ADCY3: variants seen among roughly 807,000 people sequenced by gnomAD.
ADCY3 encodes the protein adenylate cyclase type 3.
ADCY3 carries 70 observed loss-of-function variants against 119.4 expected under a neutral mutation model. That is an observed-to-expected ratio of 0.59 (90% CI 0.48 to 0.72). The LOEUF is 0.72. Ranked by LOEUF, ADCY3 falls within the 30% of genes least tolerant of loss-of-function variation. ADCY3 has a pLI of 0.00. For missense variants in ADCY3, 1,238 were observed against 1,541.6 expected, an observed-to-expected ratio of 0.80 and a Z score of 3.30; for synonymous variants, 672 against 621.4, an observed-to-expected ratio of 1.08 and a Z score of -1.21.
intron 3 of ADCY3, among the ~76,000 whole-genome samples, chr2:24,863,146 G>A (rs761324859): frequency 3.9e-5 from 6 of 152,218 alleles, no homozygotes; most frequent in Admixed American, 6.5e-5. Context: ...TGATTGGATT[G>A]AAGGATACAA....
chr2:24,896,874 C>T (rs1451771970), intron 2 of ADCY3, among the ~76,000 whole-genome samples: 1 of 152,188 alleles, frequency 6.6e-6, no homozygotes, highest in Non-Finnish European at 1.5e-5. Flanking sequence ...CGTTTGGGTT[C>T]TCCCTCCCTG....
intron 3 of ADCY3, among the ~76,000 whole-genome samples, chr2:24,853,006 GTGTGTGTGTGTGTGTGTGT>G (rs1260589423): frequency 7.0e-5 from 6 of 85,450 alleles, no homozygotes; most frequent in South Asian, 3.7e-4. Flanking sequence ...CAGCTGGAGG[GTGTGTGTGTGTGTGTGTGT>G]GTGTGTGTGT....
chr2:24,876,119 A>C lies in ADCY3; in HGVS notation c.676-3400T>G, dbSNP rs574299973. 5.3e-5 allele frequency among the ~76,000 whole-genome samples: 8 copies of C among 152,222 alleles called. No individual in the cohort carries two copies. The South Asian group carries it at 1.7e-3, about 32-fold the overall frequency. ...GCGAACCTCCCACCTCAGCCTCTTGAGTAGCTGGGATGACAGGTGCACATC... is the reference window on the plus strand; with the variant it reads ...GCGAACCTCCCACCTCAGCCTCTTGCGTAGCTGGGATGACAGGTGCACATC... On this transcript the variant is annotated intron_variant, in intron 2 of 21. Transcript: ENST00000679454.
Position 24,834,421 on chromosome 2 carries a change from C to G in ADCY3, c.1967+64G>C. 6.4e-6 allele frequency: 6 copies of G among 938,414 alleles called. No homozygotes were observed. Among genetic ancestry groups the G allele is most frequent in the Non-Finnish European group, 7.8e-6 (5 of 642,406 alleles). 58.1% of individuals were successfully genotyped at this position (938,414 alleles called of 1,614,324 possible). On this transcript the variant is annotated intron_variant, in intron 11 of 21. Transcript: ENST00000679454. This position sits in a 1 kb window ranked among gnomAD's most constrained non-coding sequence, Gnocchi z 4.2. ...CAGGCTCCCGCTGAGACACCTGCCCCCGCCCCCCGCCCGGCACCACCGCAG... is the reference window on the plus strand; with the variant it reads ...CAGGCTCCCGCTGAGACACCTGCCCGCGCCCCCCGCCCGGCACCACCGCAG...
intron 3 of ADCY3, among the ~76,000 whole-genome samples, chr2:24,866,564 C>CAAAAAAAAAAA (rs71397449): frequency 1.1e-4 from 5 of 46,546 alleles, no homozygotes; most frequent in African/African-American, 2.8e-4. Flanking sequence ...GACCCTGTCT[C>CAAAAAAAAAAA]AAAAAAAAAA....
intron 3 of ADCY3, among the ~76,000 whole-genome samples, chr2:24,851,427 A>G (rs1424963580): frequency 6.6e-6 from 1 of 152,022 alleles, no homozygotes; most frequent in Non-Finnish European, 1.5e-5. Flanking sequence ...TTCTGCATCA[A>G]CCCGGTATTA....
chr2:24,887,431 G>T (rs1277099021), intron 2 of ADCY3, among the ~76,000 whole-genome samples: 2 of 152,150 alleles, frequency 1.3e-5, no homozygotes, highest in African/African-American at 2.4e-5. Flanking sequence ...TTCCCTCGGA[G>T]ACCAGGCCAG....
intron 3 of ADCY3, among the ~76,000 whole-genome samples, chr2:24,859,184 G>A (rs1038967091): frequency 5.9e-5 from 9 of 152,330 alleles, no homozygotes; most frequent in East Asian, 1.9e-4. Context: ...GGGTGGGGAC[G>A]TGTCTGTGTG....
At chr2:24,911,628 A>C (rs12713422) in intron 2 of ADCY3, among the ~76,000 whole-genome samples, 77,123 of 134,426 alleles carry the variant, frequency 0.57, 22,653 homozygotes, top group African/African-American at 0.81. Context: ...CCAGCCTGGG[A>C]GACAGACTCA....
intron 2 of ADCY3, among the ~76,000 whole-genome samples, chr2:24,910,749 C>T (rs1311280340): frequency 1.3e-5 from 2 of 150,450 alleles, no homozygotes; most frequent in Non-Finnish European, 3.0e-5. Flanking sequence ...CAAGTTCAAG[C>T]AATTCTCCTG....
intron 2 of ADCY3, among the ~76,000 whole-genome samples, chr2:24,915,843 A>G (rs971873094): frequency 6.6e-6 from 1 of 152,048 alleles, no homozygotes; most frequent in Admixed American, 6.6e-5. Flanking sequence ...GCCCGGCCCC[A>G]TTTCCACCAT....
At chr2:24,907,254 T>G (rs1222932741) in intron 2 of ADCY3, among the ~76,000 whole-genome samples, 7 of 147,592 alleles carry the variant, frequency 4.7e-5, no homozygotes, top group African/African-American at 1.8e-4. Flanking sequence ...GCTGTCGCAG[T>G]CTTCCACTAC....
At chr2:24,906,461 A>G (rs1230085866) in intron 2 of ADCY3, among the ~76,000 whole-genome samples, 3 of 152,218 alleles carry the variant, frequency 2.0e-5, no homozygotes, top group Non-Finnish European at 2.9e-5. Flanking sequence ...TGCTGCACCA[A>G]TGAAAGGTAA....
At chr2:24,870,356 C>A (rs1428333078) in intron 3 of ADCY3, among the ~76,000 whole-genome samples, 2 of 150,220 alleles carry the variant, frequency 1.3e-5, no homozygotes, top group Non-Finnish European at 3.0e-5. Flanking sequence ...AAAAAAAAAT[C>A]TCTCAAAAGT....
chr2:24,862,532 C>T (rs1253133490), intron 3 of ADCY3, among the ~76,000 whole-genome samples: 13 of 135,920 alleles, frequency 9.6e-5, no homozygotes, highest in South Asian at 2.4e-4. Flanking sequence ...GGGGACAGAG[C>T]GAGACTCCGC....
At chr2:24,840,953 G>C (rs1207764502) in intron 6 of ADCY3, among the ~76,000 whole-genome samples, 1 of 152,252 alleles carries the variant, frequency 6.6e-6, no homozygotes, top group Non-Finnish European at 1.5e-5. Flanking sequence ...CAAGTGTGAG[G>C]AGGCGTGAGA....
At chr2:24,915,755 G>A (rs1313361047) in intron 2 of ADCY3, among the ~76,000 whole-genome samples, 1 of 152,160 alleles carries the variant, frequency 6.6e-6, no homozygotes, top group Non-Finnish European at 1.5e-5. Flanking sequence ...TGGCCAGGCT[G>A]GTCTTGAACT....
rs1460843295 is a variant in ADCY3 at position 24,830,826 on chromosome 2, C to CT, written c.2056-2dup. 1 of 1,611,862 alleles carries CT rather than the reference C, an allele frequency of 6.2e-7. No homozygotes were observed. Among genetic ancestry groups the CT allele is most frequent in the Non-Finnish European group, 8.5e-7 (1 of 1,178,492 alleles). ...AGGCCACAAGCTTCTTAGGAAAGGC[C>CT]TAGAAGGAACAGAATTTCAAGGGCC... On this transcript the variant is annotated splice_acceptor_variant, in intron 12 of 21. Coordinates refer to ENST00000679454, the MANE Select transcript of ADCY3 (RefSeq NM_004036.5). LOFTEE classifies it high-confidence loss of function.
intron 3 of ADCY3, among the ~76,000 whole-genome samples, chr2:24,845,766 C>T (rs945646198): frequency 3.3e-5 from 5 of 152,230 alleles, no homozygotes; most frequent in Non-Finnish European, 5.9e-5. Flanking sequence ...TGTCAGAGAC[C>T]TTTGCGGCAG....
Sources: gnomAD v4.1 joint callset for allele counts (sites outside exome capture counted in the v4.1 genomes callset) on GRCh38, gnomAD v4.1.1 for gene constraint, Gnocchi (gnomAD v3.1) non-coding constraint, MANE v1.5 for transcripts, NCBI Gene and HGNC (gene_info 2026-07-23, HGNC 2026-07-21) for gene names.